The following RBFOX1 variants were observed in gnomAD, a reference collection of about 807,000 sequenced individuals.
RBFOX1 encodes RNA binding fox-1 homolog 1.
Under a neutral mutation model 57.7 loss-of-function variants are expected in RBFOX1, and 8 were observed. The observed-to-expected ratio is 0.14, with a 90% CI of 0.08 to 0.25. The LOEUF (loss-of-function observed/expected upper bound fraction) is 0.25, where lower values mean the gene tolerates loss of function less well. RBFOX1 is among the 10% of genes least tolerant of loss of function. RBFOX1 has a pLI of 1.00. For synonymous variants in RBFOX1, 326 were observed against 222.4 expected (o/e 1.47, Z -4.15); for missense variants, 611 against 548.5 (o/e 1.11, Z -1.14).
intron 2 of RBFOX1, among the ~76,000 whole-genome samples, chr16:6,494,057 C>T (rs1353842450): frequency 6.6e-6 from 1 of 151,704 alleles, no homozygotes; most frequent in Admixed American, 6.5e-5. Context: ...TGGCAATGTT[C>T]TTAATTGAAA....
chr16:7,566,688 A>C (rs2091761550), intron 5 of RBFOX1, among the ~76,000 whole-genome samples: 1 of 152,126 alleles, frequency 6.6e-6, no homozygotes, highest in Admixed American at 6.6e-5. Context: ...CCATTTAGCC[A>C]GTTTCACATT....
intron 14 of RBFOX1, among the ~76,000 whole-genome samples, chr16:7,698,183 G>GGTGTGT (rs59239865): frequency 0.032 from 4,317 of 136,134 alleles, 82 homozygotes; most frequent in South Asian, 0.058. Flanking sequence ...AGTCCAAGAG[G>GGTGTGT]GTGTGTGTGT....
At chr16:7,026,033 C>G (rs899124424) in intron 3 of RBFOX1, among the ~76,000 whole-genome samples, 1 of 152,168 alleles carries the variant, frequency 6.6e-6, no homozygotes, top group Non-Finnish European at 1.5e-5. Context: ...CAAGAAGGAA[C>G]AAAGGGAAAA....
At chr16:5,581,099 C>T (rs1287113654) in intron 2 of RBFOX1, among the ~76,000 whole-genome samples, 1 of 152,192 alleles carries the variant, frequency 6.6e-6, no homozygotes, top group Non-Finnish European at 1.5e-5. Flanking sequence ...ACGTAGCCAC[C>T]ATTGTAGATG....
At chr16:7,375,149 G>T (rs777665813) in intron 4 of RBFOX1, among the ~76,000 whole-genome samples, 10 of 152,150 alleles carry the variant, frequency 6.6e-5, no homozygotes, top group African/African-American at 2.4e-4. Context: ...TTTCAGTAAC[G>T]TTGGTAGATT....
At chr16:6,672,345 G>A (rs1033020199) in intron 3 of RBFOX1, among the ~76,000 whole-genome samples, 5 of 151,644 alleles carry the variant, frequency 3.3e-5, no homozygotes, top group African/African-American at 4.8e-5. Flanking sequence ...GTGGCAGGGA[G>A]GGAGGAGAGT....
intron 3 of RBFOX1, among the ~76,000 whole-genome samples, chr16:6,691,841 T>A (rs2060253741): frequency 6.6e-6 from 1 of 152,190 alleles, no homozygotes; most frequent in East Asian, 1.9e-4. Context: ...GCTGAGCACT[T>A]TTCCTTGCTC....
intron 5 of RBFOX1, among the ~76,000 whole-genome samples, chr16:7,535,912 T>TA (rs2081351484): frequency 6.6e-6 from 1 of 152,184 alleles, no homozygotes; most frequent in South Asian, 2.1e-4. Context: ...TATTCCTGAA[T>TA]ATTTCTTGGG....
In RBFOX1 at chr16:7,184,463, A is replaced by C. The variant is rs112050610; in HGVS notation, c.27+132365A>C. On this transcript the variant is annotated intron_variant, in intron 4 of 15. Transcript: ENST00000550418. ...TGACCCAGGGTGTCTGTTCATCTGCATTGCATGCATGTTTTTACCTCCTCT... is the reference window on the plus strand; with the variant it reads ...TGACCCAGGGTGTCTGTTCATCTGCCTTGCATGCATGTTTTTACCTCCTCT... 1.7e-3 allele frequency among the ~76,000 whole-genome samples: 257 copies of C among 152,308 alleles called. 1 individual carries two copies. The highest frequency in any genetic ancestry group is 5.9e-3 in the African/African-American group (247 of 41,568).
At chr16:5,719,000 T>G (rs1009460732) in intron 3 of RBFOX1, among the ~76,000 whole-genome samples, 3 of 151,834 alleles carry the variant, frequency 2.0e-5, no homozygotes, top group African/African-American at 7.3e-5. Context: ...ATTCCCAACT[T>G]TATAAGATTT....
At chr16:7,160,625 C>T (rs1400067438) in intron 4 of RBFOX1, among the ~76,000 whole-genome samples, 1 of 152,042 alleles carries the variant, frequency 6.6e-6, no homozygotes, top group African/African-American at 2.4e-5. Context: ...TTTCTTTTTT[C>T]AGTATGATTT....
intron 4 of RBFOX1, among the ~76,000 whole-genome samples, chr16:7,237,160 C>G (rs1487226776): frequency 6.6e-6 from 1 of 152,202 alleles, no homozygotes; most frequent in Non-Finnish European, 1.5e-5. Context: ...TTGGGATAGG[C>G]CAGCGTGCCA....
rs893702969 is a variant in RBFOX1, at chr16:6,259,369, C to A, written c.-126-57626C>A. Among the ~76,000 whole-genome samples the A allele has an allele frequency of 4.6e-5, 7 of 152,144 alleles. No individual in the cohort carries two copies. In the East Asian group the frequency reaches 1.4e-3, roughly 29 times the overall value. ...CAATAACTGATGTCTTGAAAAACTTCATCAGGACTCACAGCCTAAGCAAGT... is the reference window on the plus strand; with the variant it reads ...CAATAACTGATGTCTTGAAAAACTTAATCAGGACTCACAGCCTAAGCAAGT... On this transcript the variant is annotated intron_variant, in intron 1 of 15. Transcript: ENST00000550418.
intron 2 of RBFOX1, among the ~76,000 whole-genome samples, chr16:6,574,415 G>A (rs1201853008): frequency 7.1e-6 from 1 of 141,122 alleles, no homozygotes; most frequent in Non-Finnish European, 1.5e-5. Flanking sequence ...GTTTCTGTCC[G>A]TATCTTCTAT....
chr16:6,277,770 T>C lies in RBFOX1; in HGVS notation c.-126-39225T>C, dbSNP rs189875042. ...GGTTTCCCCTACATTTAATGTGCGGTACAGAGAAGAGGGGTGGCAATGAAG... is the reference window on the plus strand; with the variant it reads ...GGTTTCCCCTACATTTAATGTGCGGCACAGAGAAGAGGGGTGGCAATGAAG... On this transcript the variant is annotated intron_variant, in intron 1 of 15. Coordinates refer to ENST00000550418, the MANE Select transcript of RBFOX1 (RefSeq NM_018723.4). Among the ~76,000 whole-genome samples the C allele has an allele frequency of 7.0e-4, 106 of 151,958 alleles. 1 individual carries two copies. Among genetic ancestry groups the C allele is most frequent in the Non-Finnish European group, 1.2e-3 (82 of 68,002 alleles).
At chr16:5,519,187 T>A (rs777952599) in intron 2 of RBFOX1, among the ~76,000 whole-genome samples, 7 of 152,220 alleles carry the variant, frequency 4.6e-5, no homozygotes, top group Non-Finnish European at 7.3e-5. Context: ...CAGGCTGTGA[T>A]ACTTTGTGGT....
chr16:5,270,682 A>G (rs1596351714), intron 1 of RBFOX1: 2 of 532,638 alleles, frequency 3.8e-6, no homozygotes, highest in East Asian at 4.4e-5. Context: ...GGTGTTGGAA[A>G]TCATGACCTG....
At chr16:7,261,281 A>C (rs1233542792) in intron 4 of RBFOX1, among the ~76,000 whole-genome samples, 1 of 152,194 alleles carries the variant, frequency 6.6e-6, no homozygotes, top group East Asian at 1.9e-4. Flanking sequence ...TATGATGTAT[A>C]AAGTGGAATT....
chr16:6,665,431 T>G (rs2098725848), intron 3 of RBFOX1, among the ~76,000 whole-genome samples: 1 of 152,130 alleles, frequency 6.6e-6, no homozygotes, highest in African/African-American at 2.4e-5. Flanking sequence ...CAGGACAACA[T>G]GGTGAAACCC....
Sources: allele counts gnomAD v4.1 joint callset (sites outside exome capture counted in the v4.1 genomes callset), GRCh38; gene constraint gnomAD v4.1.1; transcripts MANE v1.5; gene names NCBI Gene and HGNC (gene_info 2026-07-23, HGNC 2026-07-21).